The following LIN52 variants were observed in gnomAD, a reference collection of about 807,000 sequenced individuals.
The protein encoded by LIN52 is protein lin-52 homolog.
In LIN52, 4 loss-of-function variants were observed where a neutral mutation model predicts 18.5. The observed-to-expected ratio is 0.22, with a 90% confidence interval of 0.11 to 0.49. The LOEUF (loss-of-function observed/expected upper bound fraction) is 0.49, where lower values mean the gene tolerates loss of function less well. Among genes scored for constraint, LIN52 ranks in the 20% least tolerant of loss-of-function variants. LIN52 has a pLI of 0.97. For synonymous variants in LIN52, 34 were observed against 45.5 expected, an observed-to-expected ratio of 0.75 and a Z score of 1.02; for missense variants, 102 against 139.5, an observed-to-expected ratio of 0.73 and a Z score of 1.35.
At chr14:74,184,721 A>G (rs1421373950) in intron 5 of LIN52, among the ~76,000 whole-genome samples, 1 of 152,214 alleles carries the variant, frequency 6.6e-6, no homozygotes, top group Non-Finnish European at 1.5e-5. Flanking sequence ...AAAATGTTAA[A>G]TTTTTCCTCT....
chr14:74,135,884 A>G (rs1363985524), intron 5 of LIN52, among the ~76,000 whole-genome samples: 1 of 151,912 alleles, frequency 6.6e-6, no homozygotes, highest in Non-Finnish European at 1.5e-5. Context: ...TCATTCACAT[A>G]CCATAAGGTT....
intron 5 of LIN52, among the ~76,000 whole-genome samples, chr14:74,198,393 TTA>T (rs1444910617): frequency 6.6e-6 from 1 of 152,154 alleles, no homozygotes; most frequent in East Asian, 1.9e-4. Context: ...AAACCCTACT[TTA>T]TGACACCATC....
chr14:74,169,705 TA>T (rs1245391729), intron 5 of LIN52, among the ~76,000 whole-genome samples: 3 of 152,252 alleles, frequency 2.0e-5, no homozygotes, highest in Admixed American at 1.3e-4. Flanking sequence ...TACCCCCTTT[TA>T]AAACTTGTTC....
chr14:74,144,210 G>C (rs895226863), intron 5 of LIN52, among the ~76,000 whole-genome samples: 2 of 150,934 alleles, frequency 1.3e-5, no homozygotes, highest in African/African-American at 2.4e-5. Flanking sequence ...CTGCAGCTTC[G>C]ACCCTGGGGT....
intron 2 of LIN52, among the ~76,000 whole-genome samples, chr14:74,093,504 A>G (rs8003415): frequency 0.98 from 149,078 of 151,778 alleles, 73,226 homozygotes; most frequent in East Asian, 1. Context: ...TTTTGTATTT[A>G]TAGTAGAGAA....
At chr14:74,156,487 G>A (rs1595178020) in intron 5 of LIN52, among the ~76,000 whole-genome samples, 1 of 152,068 alleles carries the variant, frequency 6.6e-6, no homozygotes, top group East Asian at 1.9e-4. Context: ...TTATGGTTTT[G>A]TTTTTTGTTT....
rs60808992 is a variant in LIN52, at chr14:74,158,125, A to ATTTT, written c.284-40793_284-40790dup. 2.1e-3 allele frequency among the ~76,000 whole-genome samples: 312 copies of ATTTT among 147,762 alleles called. 1 individual carries two copies. Among genetic ancestry groups the ATTTT allele is most frequent in the Middle Eastern group, 0.014 (4 of 284 alleles). On this transcript the variant is annotated intron_variant, in intron 5 of 5. Coordinates refer to ENST00000555028, the MANE Select transcript of LIN52 (RefSeq NM_001024674.3). ...CACTGCTATATATATATATATATAT[A>ATTTT]TTTTTTTGAGATAGAGTCTCCCTCT...
At chr14:74,107,360 C>A (rs1383891668) in intron 5 of LIN52, among the ~76,000 whole-genome samples, 2 of 152,062 alleles carry the variant, frequency 1.3e-5, no homozygotes, top group Non-Finnish European at 2.9e-5. Context: ...TATCATGAAT[C>A]CTATTGAATA....
chr14:74,096,037 T>A, intron 3 of LIN52, 52 bp downstream of exon 3: 1 of 1,221,234 alleles, frequency 8.2e-7, no homozygotes, highest in Non-Finnish European at 1.2e-6. Context: ...CGCTCCTGAG[T>A]AAAAGCTCAG....
intron 5 of LIN52, among the ~76,000 whole-genome samples, chr14:74,140,601 C>T (rs776781336): frequency 8.4e-4 from 128 of 152,282 alleles, no homozygotes; most frequent in Non-Finnish European, 5.0e-4. Context: ...CTACAGCTGT[C>T]AGAGGGGTGG....
intron 5 of LIN52, among the ~76,000 whole-genome samples, chr14:74,190,752 AT>A (rs750598523): frequency 1.3e-5 from 2 of 152,146 alleles, no homozygotes; most frequent in Non-Finnish European, 2.9e-5. Flanking sequence ...ACTTTTATAT[AT>A]TTTAGAGAGA....
rs529209655 is a variant in LIN52, at chr14:74,125,986, T to TA, written c.283+24749dup. 7.2e-4 allele frequency among the ~76,000 whole-genome samples: 108 copies of TA among 150,104 alleles called. No individual in the cohort carries two copies. The South Asian group carries it at 9.7e-3, about 13-fold the overall frequency. ...CACACCAACATGGCACATGTATACA[T>TA]ATGTAACTAACCTGCACGTTGTGCA... On this transcript the variant is annotated intron_variant, in intron 5 of 5. Transcript: ENST00000555028.
intron 5 of LIN52, among the ~76,000 whole-genome samples, chr14:74,106,485 T>C (rs1206140058): frequency 6.6e-6 from 1 of 152,144 alleles, no homozygotes; most frequent in Non-Finnish European, 1.5e-5. Flanking sequence ...TTGCCCAGAC[T>C]GGTCTTGAAC....
intron 5 of LIN52, among the ~76,000 whole-genome samples, chr14:74,145,601 G>C (rs1404437788): frequency 6.6e-6 from 1 of 152,186 alleles, no homozygotes; most frequent in African/African-American, 2.4e-5. Context: ...CATATGCTTT[G>C]AGCTTGTCTC....
At chr14:74,184,121 C>G (rs868479384) in intron 5 of LIN52, among the ~76,000 whole-genome samples, 65 of 152,198 alleles carry the variant, frequency 4.3e-4, no homozygotes, top group African/African-American at 1.4e-3. Flanking sequence ...CACTCTGTCA[C>G]CCAGGCTGGA....
At chr14:74,156,304 G>GA (rs2061198903) in intron 5 of LIN52, among the ~76,000 whole-genome samples, 1 of 151,778 alleles carries the variant, frequency 6.6e-6, no homozygotes, top group African/African-American at 2.4e-5. Flanking sequence ...GCCCAGTATT[G>GA]TTTTTTTTAG....
intron 5 of LIN52, among the ~76,000 whole-genome samples, chr14:74,191,931 G>C (rs368396702): frequency 6.6e-6 from 1 of 151,938 alleles, no homozygotes; most frequent in Non-Finnish European, 1.5e-5. Context: ...CACCGCGCCC[G>C]GCCACTAAAC....
At chr14:74,092,040 C>T (rs953204435) in intron 2 of LIN52, among the ~76,000 whole-genome samples, 1 of 151,462 alleles carries the variant, frequency 6.6e-6, no homozygotes, top group East Asian at 1.9e-4. Flanking sequence ...GTGGTGCACT[C>T]GGGTCACTGC....
intron 5 of LIN52, among the ~76,000 whole-genome samples, chr14:74,102,307 C>G (rs1001473061): frequency 6.6e-6 from 1 of 152,292 alleles, no homozygotes; most frequent in South Asian, 2.1e-4. Flanking sequence ...CCTCAGACCT[C>G]TTTATCCTTC....
Sources: gnomAD v4.1 joint callset for allele counts (sites outside exome capture counted in the v4.1 genomes callset) on GRCh38, gnomAD v4.1.1 for gene constraint, MANE v1.5 for transcripts, NCBI Gene and HGNC (gene_info 2026-07-23, HGNC 2026-07-21) for gene names.